ANKMY1: variants seen among roughly 807,000 people sequenced by gnomAD.
ANKMY1 encodes the protein ankyrin repeat and MYND domain-containing protein 1.
ANKMY1 carries 98 observed loss-of-function variants against 102.0 expected under a neutral mutation model. The observed-to-expected ratio is 0.96, with a 90% CI of 0.82 to 1.14. The LOEUF (loss-of-function observed/expected upper bound fraction) is 1.14, where lower values mean the gene tolerates loss of function less well. Ranked by LOEUF, ANKMY1 falls within the 50% of genes most tolerant of loss-of-function variation. The probability of loss-of-function intolerance (pLI) is 0.00; values close to 1 mark genes in which losing one functional copy is unlikely to be tolerated. For missense variants in ANKMY1, 1,330 were observed against 1,347.6 expected (o/e 0.99, Z 0.20); for synonymous variants, 582 against 559.9 (o/e 1.04, Z -0.56).
chr2:240,548,868 T>C (rs2090960242), intron 4 of ANKMY1, among the ~76,000 whole-genome samples: 1 of 151,276 alleles, frequency 6.6e-6, no homozygotes, highest in Non-Finnish European at 1.5e-5. Flanking sequence ...TAAAAGAGGA[T>C]ACAAACAAAT....
chr2:240,552,652 A>C, intron 4 of ANKMY1: 2 of 483,504 alleles, frequency 4.1e-6, no homozygotes, highest in Non-Finnish European at 7.5e-6. Context: ...TCCAGTTTAC[A>C]TATTTAAAAA....
chr2:240,547,689 C>T (rs1211495425), intron 4 of ANKMY1, among the ~76,000 whole-genome samples: 4 of 147,816 alleles, frequency 2.7e-5, no homozygotes, highest in African/African-American at 5.0e-5. Context: ...ATATCACCAC[C>T]GATCCCACAG....
At chr2:240,487,184 A>G (rs759677653) in intron 15 of ANKMY1, among the ~76,000 whole-genome samples, 2 of 152,002 alleles carry the variant, frequency 1.3e-5, no homozygotes, top group Non-Finnish European at 2.9e-5. Context: ...CTCTACCTCC[A>G]TGTGTTCAAA....
intron 5 of ANKMY1, chr2:240,526,891 T>C (rs2152389802): frequency 8.8e-7 from 1 of 1,138,756 alleles, no homozygotes; most frequent in South Asian, 2.0e-5. Context: ...TCTCATGGCT[T>C]ACTCATCACA....
rs577850962 is a variant in ANKMY1 at position 240,511,916 on chromosome 2, T to G, written c.2231A>C (p.Glu744Ala). 5 of 1,582,394 alleles carry G rather than the reference T, an allele frequency of 3.2e-6. No homozygotes were observed. The South Asian group carries it at 5.6e-5, about 18-fold the overall frequency. Reference protein sequence around the residue: ...AYYSTDTALPEEGGRTALHMA... With the variant: ...AYYSTDTALPAEGGRTALHMA... ...GTGCAGAGCCGTCCTGCCCCCCTCC[T>G]CCGGGAGGGCTGTGTCCGTGCTGTA... The change falls in exon 11 of 18, where the codon GAG becomes GCG. Residue 744 changes from glutamate (E) to alanine (A), a missense_variant. By Grantham distance (107) the Glu-to-Ala change is moderately radical. Transcript: ENST00000401804.
chr2:240,549,768 T>C, intron 4 of ANKMY1, among the ~76,000 whole-genome samples: 1 of 152,206 alleles, frequency 6.6e-6, no homozygotes, highest in Non-Finnish European at 1.5e-5. Flanking sequence ...TGAAAAAATG[T>C]TCACCATCAC....
At chr2:240,474,076 C>G in the ANKMY1 span, among the ~76,000 whole-genome samples, 1 of 146,634 alleles carries the variant, frequency 6.8e-6, no homozygotes, top group Admixed American at 6.9e-5. Flanking sequence ...GTTAAACTGT[C>G]TCTGTTTGCC....
Position 240,550,888 on chromosome 2 carries a change from A to C in ANKMY1, c.480+2026T>G, listed in dbSNP as rs542784713. Among the ~76,000 whole-genome samples the C allele has an allele frequency of 2.0e-5, 3 of 152,224 alleles. No homozygotes were observed. The South Asian group carries it at 6.2e-4, about 32-fold the overall frequency. On this transcript the variant is annotated intron_variant, in intron 4 of 17. Transcript: ENST00000401804. ...CTGCCTTAAGACTTTTGTCATCCAC[A>C]ATTGTTTTGCTTTGATCTTTCTCAA...
chr2:240,473,478 C>CA, the ANKMY1 span, among the ~76,000 whole-genome samples: 21,320 of 134,910 alleles, frequency 0.16, 1,736 homozygotes, highest in South Asian at 0.19. Flanking sequence ...ACCAATTAAC[C>CA]AAAAAAAAAA....
intron 3 of ANKMY1, 188 bp from the exon 4 acceptor site, chr2:240,553,245 G>A: frequency 1.5e-6 from 1 of 655,186 alleles, no homozygotes. Flanking sequence ...TTACCAGGCA[G>A]TCAGCCTGAT....
chr2:240,479,435 A>C lies in ANKMY1; in HGVS notation c.*174T>G. 1.3e-6 allele frequency: 1 copy of C among 772,182 alleles called. No individual in the cohort carries two copies. The highest frequency in any genetic ancestry group is 2.2e-6 in the Non-Finnish European group (1 of 462,696). The allele number at this position is 772,182 out of a possible 1,614,324, so 47.8% of individuals were successfully genotyped here. ...GAGCACAGCACAGACTGTCAAAATC[A>C]CCCCGTGGGGCCAATTTATTGCGAG... On this transcript the variant is annotated 3_prime_UTR_variant, in exon 18 of 18. Coordinates refer to ENST00000401804, the MANE Select transcript of ANKMY1 (RefSeq NM_001282771.3).
At chr2:240,552,858 G>A in intron 4 of ANKMY1, 56 bp downstream of exon 4, 1 of 1,611,474 alleles carries the variant, frequency 6.2e-7, no homozygotes, top group East Asian at 2.2e-5. Context: ...TTTGTCCAGT[G>A]GCTTAGACAC....
At chr2:240,551,420 G>A (rs2091505148) in intron 4 of ANKMY1, among the ~76,000 whole-genome samples, 1 of 152,140 alleles carries the variant, frequency 6.6e-6, no homozygotes, top group Admixed American at 6.5e-5. Context: ...GGACACAGCT[G>A]GGGGAACTGG....
chr2:240,548,579 T>C (rs1172574351), intron 4 of ANKMY1, among the ~76,000 whole-genome samples: 3 of 152,030 alleles, frequency 2.0e-5, no homozygotes, highest in Non-Finnish European at 4.4e-5. Flanking sequence ...AAATTGTCCC[T>C]GTTTGCAGAC....
chr2:240,557,428 CCG>C, intron 1 of ANKMY1, 76 bp from the exon 2 acceptor site: 11 of 1,395,998 alleles, frequency 7.9e-6, no homozygotes, highest in Non-Finnish European at 9.4e-6. Context: ...GAGGCCCGGC[CCG>C]CGGCCCCTGA....
At chr2:240,538,471 G>A (rs937644455) in intron 4 of ANKMY1, among the ~76,000 whole-genome samples, 3 of 152,154 alleles carry the variant, frequency 2.0e-5, no homozygotes, top group Non-Finnish European at 4.4e-5. Flanking sequence ...CTGCCAGCCC[G>A]CCAGCGCTGC....
chr2:240,499,819 G>C lies in ANKMY1; in HGVS notation c.2806+139C>G. 1 of 1,134,312 alleles carries C rather than the reference G, an allele frequency of 8.8e-7. No individual in the cohort carries two copies. Among genetic ancestry groups the C allele is most frequent in the Non-Finnish European group, 1.2e-6 (1 of 824,416 alleles). 70.3% of individuals were successfully genotyped at this position (1,134,312 alleles called of 1,614,324 possible). ...AGCTCCTTGGACGACGGGACACAAA[G>C]GGGACAAGCCGACGAGCCCAGCCCC... On this transcript the variant is annotated intron_variant, in intron 15 of 17. Transcript: ENST00000401804. The surrounding 1 kb of genome is among the most constrained non-coding windows in gnomAD (Gnocchi z 4.2).
At chr2:240,481,169 G>C in intron 16 of ANKMY1, 72 bp from the exon 17 acceptor site, 1 of 1,548,984 alleles carries the variant, frequency 6.5e-7, no homozygotes, top group Non-Finnish European at 8.8e-7. Context: ...CGCTGCCTGG[G>C]AGCTGTGCCT....
At chr2:240,481,430 G>A (rs975768846) in intron 16 of ANKMY1, among the ~76,000 whole-genome samples, 2 of 152,186 alleles carry the variant, frequency 1.3e-5, no homozygotes, top group Non-Finnish European at 2.9e-5. Context: ...GAACTCCTAG[G>A]CACATAGGGA....
Sources: gnomAD v4.1 joint callset for allele counts (sites outside exome capture counted in the v4.1 genomes callset) on GRCh38, gnomAD v4.1.1 for gene constraint, Gnocchi (gnomAD v3.1) non-coding constraint, MANE v1.5 for transcripts, NCBI Gene and HGNC (gene_info 2026-07-23, HGNC 2026-07-21) for gene names.